Variants in SGCZ observed in about 807,000 individuals in gnomAD.
SGCZ encodes zeta-sarcoglycan.
A neutral mutation model predicts 41.3 loss-of-function variants in SGCZ; 40 were observed. That is an observed-to-expected ratio of 0.97 (90% CI 0.75 to 1.26). The LOEUF is 1.26. Among genes scored for constraint, SGCZ ranks in the 50% most tolerant of loss-of-function variants. SGCZ has a pLI of 0.00. For missense variants in SGCZ, 552 were observed against 369.8 expected (o/e 1.49, Z -4.04); for synonymous variants, 206 against 137.5 (o/e 1.50, Z -3.49).
intron 1 of SGCZ, among the ~76,000 whole-genome samples, chr8:14,992,418 CTAA>C (rs575309881): frequency 1.9e-3 from 283 of 147,768 alleles, no homozygotes; most frequent in African/African-American, 6.8e-3. Flanking sequence ...AACTCCAAAA[CTAA>C]TGTTGGCATT....
At position 14,607,955 on chromosome 8, in the gene SGCZ, G is replaced by C. The variant is rs897208484; in HGVS notation, c.40-53029C>G. ...TGGAGTAATTGTTACTGCTGTAAAAGACAAAAACCAGCTATTTGAAAGTTT... is the reference window on the plus strand; with the variant it reads ...TGGAGTAATTGTTACTGCTGTAAAACACAAAAACCAGCTATTTGAAAGTTT... On this transcript the variant is annotated intron_variant, in intron 1 of 7. Transcript: ENST00000382080. 2.0e-5 allele frequency among the ~76,000 whole-genome samples: 3 copies of C among 152,088 alleles called. 1 individual carries two copies. The highest frequency in any genetic ancestry group is 4.1e-4 in the South Asian group (2 of 4,834).
chr8:14,992,632 T>C (rs1158951298), intron 1 of SGCZ, among the ~76,000 whole-genome samples: 1 of 145,704 alleles, frequency 6.9e-6, no homozygotes, highest in Non-Finnish European at 1.5e-5. Flanking sequence ...ACCCTTGATA[T>C]TTACCCCCCA....
chr8:15,005,192 C>A (rs937709915), intron 1 of SGCZ, among the ~76,000 whole-genome samples: 4 of 152,060 alleles, frequency 2.6e-5, no homozygotes, highest in African/African-American at 7.2e-5. Flanking sequence ...TGTGGAGAGG[C>A]ATCAAAAGTT....
chr8:14,576,763 G>T (rs1804723532), intron 1 of SGCZ, among the ~76,000 whole-genome samples: 1 of 152,154 alleles, frequency 6.6e-6, no homozygotes, highest in African/African-American at 2.4e-5. Flanking sequence ...GAAGCATTGT[G>T]TTGGAAACAT....
intron 1 of SGCZ, among the ~76,000 whole-genome samples, chr8:14,676,474 G>C (rs190405232): frequency 1.0e-3 from 154 of 152,220 alleles, no homozygotes; most frequent in African/African-American, 3.5e-3. Flanking sequence ...AGGTATGATT[G>C]TGCTATGGCA....
chr8:14,231,496 T>C (rs34293153), intron 4 of SGCZ, among the ~76,000 whole-genome samples: 96,034 of 151,786 alleles, frequency 0.63, 30,692 homozygotes, highest in South Asian at 0.77. Context: ...GGTCCAATTA[T>C]GCATAATTTA....
chr8:15,236,417 T>C (rs2117220270), intron 1 of SGCZ, among the ~76,000 whole-genome samples: 1 of 151,604 alleles, frequency 6.6e-6, no homozygotes, highest in East Asian at 1.9e-4. Context: ...GGCAAACCTC[T>C]ATTCGTCGTT....
chr8:14,874,947 C>G (rs60808201), intron 1 of SGCZ, among the ~76,000 whole-genome samples: 9,764 of 152,198 alleles, frequency 0.064, 599 homozygotes, highest in African/African-American at 0.16. Context: ...ATAATGCTGA[C>G]TGAGTCTGAC....
chr8:14,702,207 T>G (rs964747270), intron 1 of SGCZ, among the ~76,000 whole-genome samples: 2 of 152,012 alleles, frequency 1.3e-5, no homozygotes, highest in African/African-American at 4.8e-5. Flanking sequence ...TTCTATTTGT[T>G]GAAATGCCCT....
At chr8:15,233,329 CA>C (rs967747755) in intron 1 of SGCZ, among the ~76,000 whole-genome samples, 1,313 of 65,662 alleles carry the variant, frequency 0.02, 15 homozygotes, top group Middle Eastern at 0.046. Context: ...TTAAACAAAC[CA>C]AAAAAAAAAA....
At chr8:14,448,532 C>T (rs1035330716) in intron 2 of SGCZ, among the ~76,000 whole-genome samples, 2 of 152,070 alleles carry the variant, frequency 1.3e-5, no homozygotes, top group Non-Finnish European at 2.9e-5. Context: ...ATTGCTGAGT[C>T]AAATAACAAA....
chr8:15,206,634 A>G (rs1169835379), intron 1 of SGCZ, among the ~76,000 whole-genome samples: 1 of 152,004 alleles, frequency 6.6e-6, no homozygotes, highest in Non-Finnish European at 1.5e-5. Flanking sequence ...TTTTCAGTAG[A>G]GACGGTGTTT....
Position 14,838,351 on chromosome 8 carries a change from T to A in SGCZ, c.40-283425A>T, listed in dbSNP as rs374909782. 1.9e-4 allele frequency among the ~76,000 whole-genome samples: 29 copies of A among 152,288 alleles called. No homozygotes were observed. In the South Asian group the frequency reaches 6.0e-3, roughly 32 times the overall value. Reference sequence around the variant, plus strand: ...GGCTATTGAGAGACTGCCCCTCCTATACCTAGTCAGTTCTCAGAGATAGCA... The same window carrying A: ...GGCTATTGAGAGACTGCCCCTCCTAAACCTAGTCAGTTCTCAGAGATAGCA... On this transcript the variant is annotated intron_variant, in intron 1 of 7. Transcript: ENST00000382080.
chr8:14,720,440 A>G (rs951181380), intron 1 of SGCZ, among the ~76,000 whole-genome samples: 1 of 152,158 alleles, frequency 6.6e-6, no homozygotes, highest in African/African-American at 2.4e-5. Context: ...GAATGCAAAT[A>G]TAGTAGTATT....
At chr8:14,439,052 T>C (rs577888089) in intron 2 of SGCZ, among the ~76,000 whole-genome samples, 1 of 152,104 alleles carries the variant, frequency 6.6e-6, no homozygotes, top group South Asian at 2.1e-4. Context: ...AGATGCCAAG[T>C]ACTAACCCTG....
chr8:14,989,261 T>C (rs926267391), intron 1 of SGCZ, among the ~76,000 whole-genome samples: 2 of 152,096 alleles, frequency 1.3e-5, no homozygotes, highest in Non-Finnish European at 2.9e-5. Flanking sequence ...GAAAATTACA[T>C]AGGAGGATGA....
intron 1 of SGCZ, among the ~76,000 whole-genome samples, chr8:15,148,396 T>C (rs543077625): frequency 6.6e-6 from 1 of 152,282 alleles, no homozygotes; most frequent in South Asian, 2.1e-4. Flanking sequence ...TTTTGCTCAT[T>C]TGCTGCCTTG....
At chr8:15,064,153 C>G (rs180835053) in intron 1 of SGCZ, among the ~76,000 whole-genome samples, 1 of 152,062 alleles carries the variant, frequency 6.6e-6, no homozygotes, top group Non-Finnish European at 1.5e-5. Context: ...TATTTATGGC[C>G]ATGACATGAC....
intron 2 of SGCZ, among the ~76,000 whole-genome samples, chr8:14,542,101 A>AT (rs1054048495): frequency 4.0e-4 from 61 of 151,968 alleles, no homozygotes; most frequent in African/African-American, 1.4e-3. Context: ...CTCTGATGAT[A>AT]TTTTCTTTTG....
Sources: allele counts gnomAD v4.1 joint callset (sites outside exome capture counted in the v4.1 genomes callset), GRCh38; gene constraint gnomAD v4.1.1; transcripts MANE v1.5; gene names NCBI Gene and HGNC (gene_info 2026-07-23, HGNC 2026-07-21).